LEMD3: variants seen among roughly 807,000 people sequenced by gnomAD.
The protein encoded by LEMD3 is inner nuclear membrane protein Man1.
In LEMD3, 33 loss-of-function variants were observed where a neutral mutation model predicts 95.2. That is an observed-to-expected ratio of 0.35 (90% CI 0.26 to 0.46). LEMD3 has a LOEUF of 0.46. Among genes scored for constraint, LEMD3 ranks in the 20% least tolerant of loss-of-function variants. The pLI, the probability that LEMD3 is intolerant of heterozygous loss-of-function variation, is 1.00. For missense variants in LEMD3, 1,210 were observed against 1,192.8 expected (o/e 1.01, Z -0.21); for synonymous variants, 525 against 474.6 (o/e 1.11, Z -1.38).
chr12:65,193,383 G>T (rs1869305351), intron 1 of LEMD3, among the ~76,000 whole-genome samples: 1 of 152,158 alleles, frequency 6.6e-6, no homozygotes. Context: ...TCTTCCCTTG[G>T]GGTGGGCTGT....
At chr12:65,230,639 A>G (rs747914229) in intron 4 of LEMD3, among the ~76,000 whole-genome samples, 2 of 152,120 alleles carry the variant, frequency 1.3e-5, no homozygotes, top group Non-Finnish European at 2.9e-5. Context: ...TTTATTTATC[A>G]GTTCTAAGAG....
At chr12:65,196,408 T>C (rs1012106034) in intron 1 of LEMD3, among the ~76,000 whole-genome samples, 11 of 152,016 alleles carry the variant, frequency 7.2e-5, no homozygotes, top group Admixed American at 6.6e-4. Flanking sequence ...CAAATGAAAT[T>C]TTATCACTGT....
At chr12:65,209,479 C>A (rs1162219540) in intron 1 of LEMD3, among the ~76,000 whole-genome samples, 5 of 151,712 alleles carry the variant, frequency 3.3e-5, no homozygotes, top group Admixed American at 6.6e-5. Context: ...TTTGGTAGTA[C>A]GTTGAGCTAA....
intron 2 of LEMD3, among the ~76,000 whole-genome samples, chr12:65,211,519 A>G (rs564494942): frequency 2.0e-5 from 3 of 152,304 alleles, no homozygotes; most frequent in South Asian, 4.1e-4. Context: ...CTTACCCATC[A>G]TTACAGGGAC....
At chr12:65,196,820 G>A (rs1869447565) in intron 1 of LEMD3, among the ~76,000 whole-genome samples, 1 of 152,106 alleles carries the variant, frequency 6.6e-6, no homozygotes, top group African/African-American at 2.4e-5. Context: ...GTTACTCATT[G>A]CTCCTGTGGG....
intron 1 of LEMD3, among the ~76,000 whole-genome samples, chr12:65,205,919 G>A (rs994384443): frequency 4.6e-5 from 7 of 151,998 alleles, no homozygotes; most frequent in African/African-American, 1.7e-4. Flanking sequence ...ATACATCAAG[G>A]GAACTGTTCC....
At chr12:65,213,169 A>AT (rs1236717792) in intron 2 of LEMD3, among the ~76,000 whole-genome samples, 1 of 152,292 alleles carries the variant, frequency 6.6e-6, no homozygotes, top group South Asian at 2.1e-4. Context: ...TTAGTTGGTC[A>AT]TTTGGATAGC....
intron 1 of LEMD3, among the ~76,000 whole-genome samples, chr12:65,194,820 T>TAGATTATAATTTATAAATTATAATTA (rs1869365230): frequency 7.2e-6 from 1 of 139,762 alleles, no homozygotes. Context: ...AATTATACTT[T>TAGATTATAATTTATAAATTATAATTA]AGATTATAAT....
At chr12:65,188,316 G>T (rs1210913051) in intron 1 of LEMD3, among the ~76,000 whole-genome samples, 1 of 152,110 alleles carries the variant, frequency 6.6e-6, no homozygotes, top group East Asian at 1.9e-4. Context: ...GGGAGAGATA[G>T]CCTAGTAAAC....
At chr12:65,216,842 T>C (rs1870125877) in intron 3 of LEMD3, among the ~76,000 whole-genome samples, 1 of 152,188 alleles carries the variant, frequency 6.6e-6, no homozygotes, top group Non-Finnish European at 1.5e-5. Context: ...TGATCTCTCT[T>C]TGTTTTGTAC....
chr12:65,228,536 C>T (rs1456117503), intron 4 of LEMD3, among the ~76,000 whole-genome samples: 2 of 151,880 alleles, frequency 1.3e-5, no homozygotes, highest in Non-Finnish European at 2.9e-5. Flanking sequence ...GCTGGGACTG[C>T]AGGCACCTGC....
rs35145654 is a variant in LEMD3, at chr12:65,223,299, ATTTT to A, written c.1695+4699_1695+4702del. On this transcript the variant is annotated intron_variant, in intron 4 of 12. Transcript: ENST00000308330. ...ATATCCTTCCTTGTCTCATGTGATG[ATTTT>A]TTTTTTTTTTTTTTTTTTGAGACAG... 2.1e-3 allele frequency among the ~76,000 whole-genome samples: 245 copies of A among 118,652 alleles called. 1 individual carries two copies. The highest frequency in any genetic ancestry group is 7.6e-3 in the African/African-American group (238 of 31,306). 77.8% of individuals were successfully genotyped at this position (118,652 alleles called of 152,430 possible).
chr12:65,189,886 G>C (rs1040709798), intron 1 of LEMD3, among the ~76,000 whole-genome samples: 1 of 152,048 alleles, frequency 6.6e-6, no homozygotes, highest in South Asian at 2.1e-4. Flanking sequence ...AGTAGACTTT[G>C]CCCGTAATAC....
chr12:65,178,620 C>T (rs922536936), intron 1 of LEMD3, among the ~76,000 whole-genome samples: 3 of 152,114 alleles, frequency 2.0e-5, no homozygotes, highest in East Asian at 3.9e-4. Context: ...CTAACCCTTA[C>T]GTAGCATTAA....
intron 1 of LEMD3, among the ~76,000 whole-genome samples, chr12:65,186,503 G>A (rs1259359372): frequency 6.6e-6 from 1 of 151,736 alleles, no homozygotes; most frequent in Non-Finnish European, 1.5e-5. Flanking sequence ...TCTAATATTT[G>A]GGTTAGGAAA....
At chr12:65,214,510 T>A (rs1047847963) in intron 2 of LEMD3, among the ~76,000 whole-genome samples, 2 of 152,170 alleles carry the variant, frequency 1.3e-5, no homozygotes, top group Non-Finnish European at 2.9e-5. Flanking sequence ...ATCTTGGCAC[T>A]TTTGATGAGT....
chr12:65,208,185 A>G lies in LEMD3; in HGVS notation c.1523-2741A>G, dbSNP rs563492439. On this transcript the variant is annotated intron_variant, in intron 1 of 12. Coordinates refer to ENST00000308330, the MANE Select transcript of LEMD3 (RefSeq NM_014319.5). The stretch of plus-strand genomic sequence containing the variant: ...AAGCTTGGTATATTTGAGGCTTGAA[A>G]TAATCTGAACTAAAGTATTGAAGAA... Among the ~76,000 whole-genome samples, 9 of 152,286 alleles carry G rather than the reference A, an allele frequency of 5.9e-5. No homozygotes were observed. The South Asian group carries it at 1.9e-3, about 32-fold the overall frequency.
intron 1 of LEMD3, among the ~76,000 whole-genome samples, chr12:65,182,207 G>A (rs894799924): frequency 1.3e-5 from 2 of 152,002 alleles, no homozygotes; most frequent in African/African-American, 2.4e-5. Context: ...TTATCTTATC[G>A]TTAGCTACAG....
rs1260729037 is a variant in LEMD3, at chr12:65,170,210, C to G, written c.614C>G (p.Pro205Arg). The G allele has an allele frequency of 6.7e-7, 1 of 1,500,492 alleles. No homozygotes were observed. The highest frequency in any genetic ancestry group is 8.9e-7 in the Non-Finnish European group (1 of 1,123,738). The allele number at this position is 1,500,492 out of a possible 1,614,324, so 92.9% of individuals were successfully genotyped here. Residue 205 changes from proline to arginine, a missense_variant, in exon 1 of 13, where the codon CCC becomes CGC. By Grantham distance (103) the Pro-to-Arg change is moderately radical. Around this residue, in one of 2 missense-constraint regions of LEMD3, gnomAD observed 749 missense variants for 622.9 expected, o/e 1.20. Transcript: ENST00000308330. ...TGGGGGGCCAGGAGGCCGGCGGGCC[C>G]CGAGCTGCAGACCCCGCCGGGGAAA... ...SWWGARRPAG[P>R]ELQTPPGKDG...
Sources: gnomAD v4.1 joint callset for allele counts (sites outside exome capture counted in the v4.1 genomes callset) on GRCh38, gnomAD v4.1.1 for gene constraint, gnomAD v4.1.1 regional missense constraint, MANE v1.5 for transcripts, NCBI Gene and HGNC (gene_info 2026-07-23, HGNC 2026-07-21) for gene names.